PRDM5: variants seen among roughly 807,000 people sequenced by gnomAD.
PRDM5 encodes the protein PR domain zinc finger protein 5.
A neutral mutation model predicts 81.2 loss-of-function variants in PRDM5; 56 were observed. That is an observed-to-expected ratio of 0.69 (90% CI 0.56 to 0.86). The LOEUF (loss-of-function observed/expected upper bound fraction) is 0.86. Ranked by LOEUF, PRDM5 falls within the 40% of genes least tolerant of loss-of-function variation. The pLI is 0.00. For synonymous variants in PRDM5, 267 were observed against 256.4 expected, an observed-to-expected ratio of 1.04 and a Z score of -0.39; for missense variants, 697 against 770.1, an observed-to-expected ratio of 0.91 and a Z score of 1.12.
rs925712513 is a variant in PRDM5 at position 120,843,347 on chromosome 4, A to G, written c.300+10071T>C. 1.3e-4 allele frequency among the ~76,000 whole-genome samples: 19 copies of G among 151,520 alleles called. No homozygotes were observed. In the East Asian group the frequency reaches 1.6e-3, roughly 12 times the overall value. On this transcript the variant is annotated intron_variant, in intron 3 of 15. Transcript: ENST00000264808. ...GAGAGACCCTGTCTCAAGATTAATT[A>G]ATTAATTAATTTAATTTAATGCCAA...
At chr4:120,741,750 A>G (rs1185508536) in intron 14 of PRDM5, among the ~76,000 whole-genome samples, 2 of 152,126 alleles carry the variant, frequency 1.3e-5, no homozygotes, top group South Asian at 2.1e-4. Flanking sequence ...CCACGAGATT[A>G]TATCATGCAC....
At chr4:120,892,305 A>T (rs773443850) in intron 2 of PRDM5, among the ~76,000 whole-genome samples, 2 of 151,986 alleles carry the variant, frequency 1.3e-5, no homozygotes, top group African/African-American at 4.8e-5. Context: ...TTCTGGGTGG[A>T]GAGTTCCATA....
At chr4:120,852,882 C>T (rs1165603472) in intron 3 of PRDM5, among the ~76,000 whole-genome samples, 1 of 150,830 alleles carries the variant, frequency 6.6e-6, no homozygotes, top group Non-Finnish European at 1.5e-5. Flanking sequence ...TCACTGCAGC[C>T]TTGACCTCTC....
intron 14 of PRDM5, among the ~76,000 whole-genome samples, chr4:120,721,474 G>A (rs1738597708): frequency 6.6e-6 from 1 of 152,072 alleles, no homozygotes; most frequent in Non-Finnish European, 1.5e-5. Context: ...GCATTGTAAT[G>A]ATAATAACAA....
At chr4:120,742,920 T>C (rs1482083643) in intron 14 of PRDM5, among the ~76,000 whole-genome samples, 5 of 152,014 alleles carry the variant, frequency 3.3e-5, no homozygotes, top group African/African-American at 1.2e-4. Flanking sequence ...GTTCAGGAAA[T>C]ACAGAGAATG....
chr4:120,749,862 G>A (rs891607952), intron 14 of PRDM5, among the ~76,000 whole-genome samples: 1 of 152,114 alleles, frequency 6.6e-6, no homozygotes, highest in African/African-American at 2.4e-5. Flanking sequence ...CTGCTGCTGC[G>A]GGAAGAGGGG....
intron 15 of PRDM5, among the ~76,000 whole-genome samples, chr4:120,695,625 T>C (rs1344546812): frequency 1.3e-5 from 2 of 152,186 alleles, no homozygotes; most frequent in African/African-American, 2.4e-5. Context: ...ACTTGTGAAA[T>C]AAAAAGCTAA....
intron 9 of PRDM5, 29 bp from the exon 10 acceptor site, chr4:120,798,453 C>T (rs1431394160): frequency 1.3e-6 from 2 of 1,520,986 alleles, no homozygotes; most frequent in Non-Finnish European, 9.0e-7. Flanking sequence ...GAGACAATCT[C>T]ATATCTATAT....
intron 15 of PRDM5, among the ~76,000 whole-genome samples, chr4:120,696,774 G>A (rs1734574667): frequency 6.6e-6 from 1 of 152,100 alleles, no homozygotes; most frequent in East Asian, 1.9e-4. Context: ...GGGAGGCAAG[G>A]CCAGCACAAG....
intron 14 of PRDM5, among the ~76,000 whole-genome samples, chr4:120,749,608 G>C (rs537379178): frequency 6.6e-6 from 1 of 152,308 alleles, no homozygotes; most frequent in South Asian, 2.1e-4. Flanking sequence ...GGAAACAAAA[G>C]CCTTCTGCCT....
intron 13 of PRDM5, among the ~76,000 whole-genome samples, chr4:120,762,962 G>T (rs2149183211): frequency 6.6e-6 from 1 of 152,256 alleles, no homozygotes; most frequent in South Asian, 2.1e-4. Context: ...GTTTACAGTT[G>T]TAAGAAAGTG....
chr4:120,903,018 C>T (rs991881395), intron 2 of PRDM5, among the ~76,000 whole-genome samples: 10 of 152,146 alleles, frequency 6.6e-5, no homozygotes, highest in African/African-American at 2.4e-4. Flanking sequence ...GCCTTGTCCA[C>T]CACAACCACT....
At chr4:120,837,393 T>C (rs1757485109) in intron 3 of PRDM5, 1 of 152,226 alleles carries the variant, frequency 6.6e-6, no homozygotes, top group Non-Finnish European at 1.5e-5. Context: ...AGAGTTTCCC[T>C]ATGGGTTCTA....
chr4:120,721,543 C>T (rs1213668620), intron 14 of PRDM5, among the ~76,000 whole-genome samples: 1 of 152,186 alleles, frequency 6.6e-6, no homozygotes, highest in East Asian at 1.9e-4. Flanking sequence ...TTATACTCTA[C>T]CACCCCGACA....
At chr4:120,922,216 G>A (rs1725033873) in intron 1 of PRDM5, among the ~76,000 whole-genome samples, 1 of 152,194 alleles carries the variant, frequency 6.6e-6, no homozygotes, top group Admixed American at 6.5e-5. Context: ...CTTCCTGCGG[G>A]AGAGAGGAAA....
At position 120,872,466 on chromosome 4, in the gene PRDM5, G is replaced by C. The variant is rs554055423; in HGVS notation, c.178-18926C>G. Among the ~76,000 whole-genome samples, 336 of 152,252 alleles carry C rather than the reference G, an allele frequency of 2.2e-3. 1 individual carries two copies. Among genetic ancestry groups the C allele is most frequent in the African/African-American group, 7.5e-3 (313 of 41,554 alleles). On this transcript the variant is annotated intron_variant, in intron 2 of 15. Coordinates refer to ENST00000264808, the MANE Select transcript of PRDM5 (RefSeq NM_018699.4). ...TCAGTCATGAAAAAGGACAAATGCT[G>C]TATGATTATACTTATATGAGGCATC... is the stretch of plus-strand genomic sequence containing the variant.
At chr4:120,746,603 C>T (rs1743094659) in intron 14 of PRDM5, among the ~76,000 whole-genome samples, 2 of 137,152 alleles carry the variant, frequency 1.5e-5, no homozygotes, top group Non-Finnish European at 3.2e-5. Flanking sequence ...AACAAACAAC[C>T]CCATCAAAAA....
intron 13 of PRDM5, among the ~76,000 whole-genome samples, chr4:120,768,906 T>G (rs1417940328): frequency 1.3e-5 from 2 of 152,186 alleles, no homozygotes; most frequent in East Asian, 1.9e-4. Flanking sequence ...TTATACAGTT[T>G]GTTTTCCCAC....
chr4:120,707,383 T>C (rs2149019420), intron 15 of PRDM5, among the ~76,000 whole-genome samples: 1 of 151,582 alleles, frequency 6.6e-6, no homozygotes, highest in Non-Finnish European at 1.5e-5. Context: ...TCCAACATCC[T>C]CTCTTGATTA....
Sources: allele counts gnomAD v4.1 joint callset (sites outside exome capture counted in the v4.1 genomes callset), GRCh38; gene constraint gnomAD v4.1.1; transcripts MANE v1.5; gene names NCBI Gene and HGNC (gene_info 2026-07-23, HGNC 2026-07-21).